Variants in ELP4 observed in about 807,000 individuals in gnomAD.
ELP4 encodes the protein elongator complex protein 4.
In ELP4, 51 loss-of-function variants were observed where a neutral mutation model predicts 48.9. The ratio of observed to expected loss-of-function variants is 1.04; its 90% CI spans 0.83 to 1.32. The LOEUF (loss-of-function observed/expected upper bound fraction) is 1.32, where lower values mean the gene tolerates loss of function less well. Among genes scored for constraint, ELP4 ranks in the 40% most tolerant of loss-of-function variants. ELP4 has a pLI of 0.00. For missense variants in ELP4, 519 were observed against 514.6 expected, an observed-to-expected ratio of 1.01 and a Z score of -0.08; for synonymous variants, 210 against 189.2, an observed-to-expected ratio of 1.11 and a Z score of -0.90.
chr11:31,680,687 GTT>G (rs2134121831), intron 9 of ELP4, among the ~76,000 whole-genome samples: 1 of 152,280 alleles, frequency 6.6e-6, no homozygotes, highest in East Asian at 1.9e-4. Flanking sequence ...GTTAGAAAAT[GTT>G]GTATGCAATA....
intron 9 of ELP4, chr11:31,689,274 C>T (rs1181290385): frequency 6.6e-6 from 1 of 151,886 alleles, no homozygotes; most frequent in Non-Finnish European, 1.5e-5. Flanking sequence ...GACCTCGACT[C>T]TACAAAAATT....
At chr11:31,610,346 G>T (rs1592156709) in intron 5 of ELP4, among the ~76,000 whole-genome samples, 1 of 129,430 alleles carries the variant, frequency 7.7e-6, no homozygotes, top group African/African-American at 2.6e-5. Flanking sequence ...GTTTTGTTTT[G>T]TTTTTTAACT....
chr11:31,741,216 A>G (rs1259305419), intron 9 of ELP4, among the ~76,000 whole-genome samples: 1 of 151,560 alleles, frequency 6.6e-6, no homozygotes, highest in African/African-American at 2.4e-5. Context: ...TAGCCGAGTT[A>G]GTTGTTTGAT....
intron 3 of ELP4, among the ~76,000 whole-genome samples, chr11:31,589,069 A>C (rs1234167402): frequency 6.6e-6 from 1 of 152,184 alleles, no homozygotes; most frequent in Non-Finnish European, 1.5e-5. Flanking sequence ...ATTGCAACAT[A>C]ATAGGGATAG....
chr11:31,635,590 A>T (rs1364992843), intron 7 of ELP4, among the ~76,000 whole-genome samples: 1 of 151,982 alleles, frequency 6.6e-6, no homozygotes, highest in Non-Finnish European at 1.5e-5. Context: ...GATGGATCCA[A>T]CTAGTTTCAT....
intron 9 of ELP4, chr11:31,706,869 T>C: frequency 2.5e-6 from 1 of 393,164 alleles, no homozygotes; most frequent in Non-Finnish European, 4.5e-6. Context: ...TCACTTAATA[T>C]AATGTCCTCC....
intron 9 of ELP4, among the ~76,000 whole-genome samples, chr11:31,761,137 G>A (rs1335867692): frequency 1.3e-5 from 2 of 152,000 alleles, no homozygotes; most frequent in East Asian, 1.9e-4. Context: ...CAAGGCAGGG[G>A]GATCGCTTCG....
At chr11:31,730,350 C>T (rs1001211133) in intron 9 of ELP4, among the ~76,000 whole-genome samples, 12 of 152,160 alleles carry the variant, frequency 7.9e-5, no homozygotes, top group African/African-American at 2.7e-4. Context: ...AGCAGAAGAG[C>T]AAGAACACAC....
intron 9 of ELP4, among the ~76,000 whole-genome samples, chr11:31,671,325 G>A (rs1303799320): frequency 6.6e-6 from 1 of 152,094 alleles, no homozygotes; most frequent in Non-Finnish European, 1.5e-5. Flanking sequence ...CATTTGACAT[G>A]GCAAGCTTGA....
intron 6 of ELP4, among the ~76,000 whole-genome samples, chr11:31,629,236 G>C (rs2134041163): frequency 6.6e-6 from 1 of 151,978 alleles, no homozygotes; most frequent in South Asian, 2.1e-4. Flanking sequence ...TAGAATACCA[G>C]ATTAAATATT....
chr11:31,665,038 C>G (rs1321792746), intron 9 of ELP4, among the ~76,000 whole-genome samples: 1 of 152,024 alleles, frequency 6.6e-6, no homozygotes, highest in Non-Finnish European at 1.5e-5. Flanking sequence ...CCAAATTTTG[C>G]CTCTGTATAC....
At chr11:31,755,933 A>G (rs1947824702) in intron 9 of ELP4, among the ~76,000 whole-genome samples, 2 of 152,212 alleles carry the variant, frequency 1.3e-5, no homozygotes, top group African/African-American at 4.8e-5. Flanking sequence ...GAGAGAGACT[A>G]GGAGACAAAT....
At chr11:31,601,014 C>T (rs1038606571) in intron 4 of ELP4, among the ~76,000 whole-genome samples, 8 of 151,978 alleles carry the variant, frequency 5.3e-5, no homozygotes, top group Admixed American at 2.6e-4. Context: ...AGTTTATGAA[C>T]GTGAATTAGA....
chr11:31,696,922 C>T lies in ELP4; in HGVS notation c.1143+46701C>T, dbSNP rs143289938. Among the ~76,000 whole-genome samples, 864 of 152,040 alleles carry T rather than the reference C, an allele frequency of 5.7e-3. 12 individuals are homozygous for T. The highest frequency in any genetic ancestry group is 0.02 in the African/African-American group (832 of 41,462). ...TGCCATATTCAGGAGACTCATCTCA[C>T]GTGCAGAGACACACATAGGCTCAAA... On this transcript the variant is annotated intron_variant, in intron 9 of 9. Transcript: ENST00000640961.
At chr11:31,671,527 A>G (rs1172638502) in intron 9 of ELP4, among the ~76,000 whole-genome samples, 4 of 152,254 alleles carry the variant, frequency 2.6e-5, no homozygotes, top group Non-Finnish European at 5.9e-5. Flanking sequence ...AGCTTACTAA[A>G]TTGAGACATA....
At chr11:31,661,687 T>C (rs999068711) in intron 9 of ELP4, among the ~76,000 whole-genome samples, 1 of 152,038 alleles carries the variant, frequency 6.6e-6, no homozygotes, top group African/African-American at 2.4e-5. Context: ...AAAAAACTCA[T>C]TTCAGATTAT....
chr11:31,717,568 A>G lies in ELP4; in HGVS notation c.1144-65825A>G, dbSNP rs376695392. Among the ~76,000 whole-genome samples the G allele has an allele frequency of 2.0e-5, 3 of 151,898 alleles. No homozygotes were observed. In the East Asian group the frequency reaches 5.8e-4, roughly 29 times the overall value. The stretch of plus-strand genomic sequence containing the variant: ...CAGGAGTTCAGGACCAGCCTGACCA[A>G]TACAGTAAAACCTCATCTCTACTAA... On this transcript the variant is annotated intron_variant, in intron 9 of 9. Transcript: ENST00000640961.
chr11:31,666,465 G>A (rs1257615541), intron 9 of ELP4, among the ~76,000 whole-genome samples: 1 of 152,086 alleles, frequency 6.6e-6, no homozygotes, highest in Non-Finnish European at 1.5e-5. Flanking sequence ...AGGCCAAGGT[G>A]GGTGGATCAT....
chr11:31,766,481 C>T (rs994536452), intron 9 of ELP4, among the ~76,000 whole-genome samples: 6 of 152,092 alleles, frequency 3.9e-5, no homozygotes, highest in Non-Finnish European at 8.8e-5. Flanking sequence ...AGTTTAGAAG[C>T]AAGAAACATG....
Sources: gnomAD v4.1 joint callset for allele counts (sites outside exome capture counted in the v4.1 genomes callset) on GRCh38, gnomAD v4.1.1 for gene constraint, MANE v1.5 for transcripts, NCBI Gene and HGNC (gene_info 2026-07-23, HGNC 2026-07-21) for gene names.